SEM1: variants seen among roughly 807,000 people sequenced by gnomAD.
SEM1 encodes the protein SEM1 26S proteasome subunit.
SEM1 carries 3 observed loss-of-function variants against 12.7 expected under a neutral mutation model. The observed-to-expected ratio is 0.24, with a 90% CI of 0.11 to 0.61. The LOEUF (loss-of-function observed/expected upper bound fraction) is 0.61. Ranked by LOEUF, SEM1 falls within the 20% of genes least tolerant of loss-of-function variation. SEM1 has a pLI of 0.88. For synonymous variants in SEM1, 30 were observed against 27.8 expected, an observed-to-expected ratio of 1.08 and a Z score of -0.25; for missense variants, 59 against 81.3, an observed-to-expected ratio of 0.73 and a Z score of 1.06.
intron 2 of SEM1, among the ~76,000 whole-genome samples, chr7:96,660,874 C>T (rs746720457): frequency 6.6e-5 from 10 of 151,286 alleles, no homozygotes; most frequent in South Asian, 4.2e-4. Flanking sequence ...AAGTTTAAAA[C>T]GAATATATAA....
intron 2 of SEM1, among the ~76,000 whole-genome samples, chr7:96,525,212 C>T (rs954316860): frequency 2.6e-5 from 4 of 151,986 alleles, no homozygotes; most frequent in African/African-American, 9.7e-5. Flanking sequence ...TAAACAATTA[C>T]CCCTCCCTTT....
intron 2 of SEM1, among the ~76,000 whole-genome samples, chr7:96,599,202 G>A (rs2116180295): frequency 6.6e-6 from 1 of 152,124 alleles, no homozygotes; most frequent in South Asian, 2.1e-4. Context: ...CATAGCACTT[G>A]GTTTTGCCTG....
chr7:96,593,881 A>G (rs534882316), intron 2 of SEM1, among the ~76,000 whole-genome samples: 6 of 151,852 alleles, frequency 4.0e-5, no homozygotes, highest in Non-Finnish European at 8.8e-5. Context: ...TATAACATCT[A>G]TGTTGACTAT....
At chr7:96,540,376 T>C (rs1804908042) in intron 2 of SEM1, among the ~76,000 whole-genome samples, 1 of 151,752 alleles carries the variant, frequency 6.6e-6, no homozygotes, top group Non-Finnish European at 1.5e-5. Context: ...CAAATTAAAA[T>C]AGATAAATAT....
intron 2 of SEM1, among the ~76,000 whole-genome samples, chr7:96,630,915 T>C (rs1405439090): frequency 1.3e-5 from 2 of 152,178 alleles, no homozygotes; most frequent in Non-Finnish European, 2.9e-5. Context: ...CTCAGGTATG[T>C]ATAGAAATGT....
chr7:96,551,304 C>T (rs757237544), intron 2 of SEM1, among the ~76,000 whole-genome samples: 1 of 152,134 alleles, frequency 6.6e-6, no homozygotes, highest in Non-Finnish European at 1.5e-5. Flanking sequence ...TGAATGTGAC[C>T]TTATTTGGAA....
intron 2 of SEM1, among the ~76,000 whole-genome samples, chr7:96,570,705 G>A (rs1805995156): frequency 6.6e-6 from 1 of 152,122 alleles, no homozygotes; most frequent in East Asian, 1.9e-4. Flanking sequence ...ATAATCCTTT[G>A]GGTATATACC....
chr7:96,682,334 G>A (rs1021636896), intron 2 of SEM1, among the ~76,000 whole-genome samples: 1 of 152,240 alleles, frequency 6.6e-6, no homozygotes, highest in South Asian at 2.1e-4. Context: ...TCTACAAACA[G>A]AGACAATTTG....
intron 2 of SEM1, among the ~76,000 whole-genome samples, chr7:96,584,918 C>T (rs181138288): frequency 0.12 from 18,038 of 150,634 alleles, 1,162 homozygotes; most frequent in Non-Finnish European, 0.14. Context: ...TTTGAATGTC[C>T]TCCTGTAGCT....
intron 2 of SEM1, among the ~76,000 whole-genome samples, chr7:96,544,853 C>T (rs1307316718): frequency 6.6e-6 from 1 of 151,928 alleles, no homozygotes; most frequent in Non-Finnish European, 1.5e-5. Flanking sequence ...CAGAGGTCTT[C>T]ATTCTCATTG....
intron 2 of SEM1, among the ~76,000 whole-genome samples, chr7:96,552,393 A>G (rs1160370305): frequency 2.7e-5 from 4 of 150,894 alleles, no homozygotes; most frequent in African/African-American, 7.3e-5. Context: ...TCCTGTGTCC[A>G]TGTGATCTCA....
intron 2 of SEM1, among the ~76,000 whole-genome samples, chr7:96,523,069 C>G (rs1804337616): frequency 6.6e-6 from 1 of 151,998 alleles, no homozygotes; most frequent in Admixed American, 6.6e-5. Context: ...CCTAAGGATG[C>G]CTTCATTCAA....
exon 4 of SEM1, chr7:96,483,300 A>C (rs1468106035): frequency 6.5e-6 from 1 of 154,630 alleles, no homozygotes; most frequent in Non-Finnish European, 1.4e-5. Context: ...CACATGGGTA[A>C]GAAGTGGTAG....
At chr7:96,709,505 C>A (rs1404772486) in intron 1 of SEM1, among the ~76,000 whole-genome samples, 183 bp downstream of exon 1, 1 of 152,110 alleles carries the variant, frequency 6.6e-6, no homozygotes, top group Non-Finnish European at 1.5e-5. Flanking sequence ...TGAGTCCCAG[C>A]GCAACACCCC....
chr7:96,688,214 T>C (rs1345037369), downstream of SEM1: 1 of 152,166 alleles, frequency 6.6e-6, no homozygotes, highest in Non-Finnish European at 1.5e-5. Flanking sequence ...AACTCAGTTG[T>C]ACTAAATGAG....
At chr7:96,581,527 T>A (rs1806407977) in intron 2 of SEM1, among the ~76,000 whole-genome samples, 1 of 152,158 alleles carries the variant, frequency 6.6e-6, no homozygotes, top group Non-Finnish European at 1.5e-5. Flanking sequence ...GGTAGCTTGA[T>A]GGGGATGACA....
chr7:96,659,741 C>A (rs566631105), intron 2 of SEM1, among the ~76,000 whole-genome samples: 1 of 151,578 alleles, frequency 6.6e-6, no homozygotes, highest in Non-Finnish European at 1.5e-5. Context: ...AGCTTACTTG[C>A]AAAATTTCAA....
chr7:96,697,866 ATTTTT>A (rs199653458), intron 1 of SEM1, among the ~76,000 whole-genome samples: 5 of 151,864 alleles, frequency 3.3e-5, no homozygotes, highest in Non-Finnish European at 7.4e-5. Context: ...GAAACAAATT[ATTTTT>A]TTTGAAAATT....
Position 96,650,683 on chromosome 7 carries a change from C to T in SEM1, c.171-28040G>A, listed in dbSNP as rs192233426. Among the ~76,000 whole-genome samples the T allele has an allele frequency of 1.5e-4, 17 of 110,874 alleles. No individual in the cohort carries two copies. In the East Asian group the frequency reaches 1.5e-3, roughly 10 times the overall value. The allele number at this position is 110,874 out of a possible 152,430, so 72.7% of individuals were successfully genotyped here. On this transcript the variant is annotated intron_variant, in intron 2 of 2. Transcript: ENST00000417009. ...ACACACAGAAACACACACAGATGCG[C>T]GCACACACACACACACACTCAGAGC...
Sources: gnomAD v4.1 joint callset for allele counts (sites outside exome capture counted in the v4.1 genomes callset) on GRCh38, gnomAD v4.1.1 for gene constraint, MANE v1.5 for transcripts, NCBI Gene and HGNC (gene_info 2026-07-23, HGNC 2026-07-21) for gene names.